C5: variants seen among roughly 807,000 people sequenced by gnomAD.
The protein encoded by C5 is complement C5.
A neutral mutation model predicts 218.8 loss-of-function variants in C5; 140 were observed. That is an observed-to-expected ratio of 0.64 (90% CI 0.56 to 0.74). The LOEUF is 0.74. C5 is among the 30% of genes least tolerant of loss of function. C5 has a pLI of 0.00. For synonymous variants in C5, 614 were observed against 682.3 expected (o/e 0.90, Z 1.56); for missense variants, 1,700 against 1,969.6 (o/e 0.86, Z 2.59).
At chr9:120,982,934 G>C in intron 25 of C5, 120 bp from the exon 26 acceptor site, 1 of 633,034 alleles carries the variant, frequency 1.6e-6, no homozygotes, top group South Asian at 2.1e-5. Flanking sequence ...CAATTCCAAA[G>C]TAAGTCATCA....
intron 17 of C5, 36 bp from the exon 18 acceptor site, chr9:121,008,534 A>C: frequency 6.9e-7 from 1 of 1,452,204 alleles, no homozygotes. Context: ...ATGGAAAAAC[A>C]ATATAAATTC....
At chr9:120,962,819 G>T (rs2046837034) in intron 35 of C5, 43 bp from the exon 36 acceptor site, 1 of 1,588,872 alleles carries the variant, frequency 6.3e-7, no homozygotes, top group Non-Finnish European at 8.6e-7. Flanking sequence ...ATGGAGAGAT[G>T]ATATTTATAA....
the C5 span, among the ~76,000 whole-genome samples, chr9:121,070,419 A>ATATATATGTATGTATATTCTGTATGTG: frequency 7.4e-6 from 1 of 134,918 alleles, no homozygotes; most frequent in Non-Finnish European, 1.6e-5. Flanking sequence ...ATATATATAT[A>ATATATATGTATGTATATTCTGTATGTG]TATATATGTA....
chr9:120,995,839 G>A (rs75177589), intron 22 of C5, among the ~76,000 whole-genome samples: 6 of 53,982 alleles, frequency 1.1e-4, no homozygotes, highest in Non-Finnish European at 1.7e-4. Context: ...TTTTTTTTTT[G>A]ACACAGTCTT....
At chr9:121,070,608 G>A in the C5 span, among the ~76,000 whole-genome samples, 10 of 151,648 alleles carry the variant, frequency 6.6e-5, no homozygotes, top group African/African-American at 2.4e-4. Flanking sequence ...AGTATATTAC[G>A]TGAATAAGCC....
chr9:120,986,366 TA>T (rs11394255), intron 25 of C5, among the ~76,000 whole-genome samples: 75 of 146,030 alleles, frequency 5.1e-4, no homozygotes, highest in South Asian at 1.5e-3. Context: ...CAATGTTCTT[TA>T]AAAAAAAAAA....
chr9:120,981,772 T>C (rs1433728015), intron 27 of C5, 72 bp downstream of exon 27: 1 of 978,426 alleles, frequency 1.0e-6, no homozygotes, highest in Non-Finnish European at 1.6e-6. Context: ...AAAGGTCTTC[T>C]GATTGGTGGC....
chr9:121,016,164 T>C, intron 15 of C5, 90 bp downstream of exon 15: 1 of 1,495,062 alleles, frequency 6.7e-7, no homozygotes, highest in Non-Finnish European at 9.3e-7. Context: ...AAGATCAGGG[T>C]ACAGAATATT....
At chr9:120,999,690 A>G (rs1406113944) in intron 20 of C5, 4 of 225,066 alleles carry the variant, frequency 1.8e-5, no homozygotes, top group Non-Finnish European at 3.6e-5. Flanking sequence ...TAATATTTTT[A>G]TTAATAAAGT....
chr9:120,985,278 C>T (rs2047024970), intron 25 of C5, among the ~76,000 whole-genome samples: 2 of 152,182 alleles, frequency 1.3e-5, no homozygotes, highest in South Asian at 4.1e-4. Flanking sequence ...CCCTAGGCTA[C>T]CTCTACAAGT....
At chr9:120,979,963 G>A in intron 28 of C5, 120 bp downstream of exon 28, 1 of 815,456 alleles carries the variant, frequency 1.2e-6, no homozygotes, top group Non-Finnish European at 2.1e-6. Context: ...GTGACGGTTT[G>A]TTCCTTGAGG....
chr9:120,991,526 T>C (rs1587964859), intron 22 of C5, among the ~76,000 whole-genome samples: 1 of 152,200 alleles, frequency 6.6e-6, no homozygotes, highest in East Asian at 1.9e-4. Flanking sequence ...GTGAAATAAA[T>C]AGGTTATATA....
the C5 span, among the ~76,000 whole-genome samples, chr9:121,070,385 A>T: frequency 3.8e-4 from 1 of 2,600 alleles, no homozygotes; most frequent in African/African-American, 6.1e-4. Context: ...AGGAAGGGTG[A>T]TATATATATA....
intron 7 of C5, among the ~76,000 whole-genome samples, chr9:121,027,544 T>G (rs1053955958): frequency 2.0e-4 from 31 of 151,934 alleles, no homozygotes; most frequent in African/African-American, 7.5e-4. Flanking sequence ...ACACCACACA[T>G]CTACAACCAT....
intron 10 of C5, among the ~76,000 whole-genome samples, chr9:121,022,154 T>C (rs2047371613): frequency 6.6e-6 from 1 of 152,206 alleles, no homozygotes; most frequent in African/African-American, 2.4e-5. Context: ...TAAGGTCTTC[T>C]GCTATCTAAC....
intron 33 of C5, among the ~76,000 whole-genome samples, chr9:120,965,521 A>AAAATAAATAAATAAAT (rs201361366): frequency 1.4e-5 from 2 of 146,994 alleles, no homozygotes; most frequent in Non-Finnish European, 3.0e-5. Context: ...CTCTGCCTCA[A>AAAATAAATAAATAAAT]AAATAAATAA....
intron 6 of C5, among the ~76,000 whole-genome samples, chr9:121,031,248 A>G (rs1180113105): frequency 9.3e-6 from 1 of 107,258 alleles, no homozygotes; most frequent in Non-Finnish European, 2.2e-5. Context: ...GAAAGATTAA[A>G]CTATTTACGT....
chr9:121,051,365 C>T (rs528099493), upstream of C5, among the ~76,000 whole-genome samples: 151 of 152,150 alleles, frequency 9.9e-4, no homozygotes, highest in African/African-American at 3.5e-3. Context: ...CTCAGGTGAT[C>T]CACCCACCTT....
intron 38 of C5, among the ~76,000 whole-genome samples, chr9:120,958,334 G>A (rs1319599170): frequency 6.6e-6 from 1 of 152,174 alleles, no homozygotes; most frequent in Admixed American, 6.5e-5. Context: ...ATTCTGGCTT[G>A]TAGTCCAGAA....
Sources: gnomAD v4.1 joint callset for allele counts (sites outside exome capture counted in the v4.1 genomes callset) on GRCh38, gnomAD v4.1.1 for gene constraint, MANE v1.5 for transcripts, NCBI Gene and HGNC (gene_info 2026-07-23, HGNC 2026-07-21) for gene names.